HPS5: variants seen among roughly 807,000 people sequenced by gnomAD.
HPS5 encodes HPS5 biogenesis of lysosomal organelles complex 2 subunit 2, also known as BLOC-2 complex member HPS5.
HPS5 carries 83 observed loss-of-function variants against 128.0 expected under a neutral mutation model. The ratio of observed to expected loss-of-function variants is 0.65; its 90% CI spans 0.54 to 0.78. The LOEUF is 0.78. Ranked by LOEUF, HPS5 falls within the 30% of genes least tolerant of loss-of-function variation. The probability of loss-of-function intolerance (pLI) is 0.00; values close to 1 mark genes in which losing one functional copy is unlikely to be tolerated. For missense variants in HPS5, 1,281 were observed against 1,326.2 expected (o/e 0.97, Z 0.53); for synonymous variants, 475 against 470.2 (o/e 1.01, Z -0.13).
At chr11:18,296,342 C>G (rs1206480277) in intron 12 of HPS5, 2 of 572,918 alleles carry the variant, frequency 3.5e-6, no homozygotes, top group Non-Finnish European at 6.2e-6. Context: ...GCCTACTAAC[C>G]CTGAGTCCCC....
intron 8 of HPS5, 21 bp from the exon 9 acceptor site, chr11:18,300,937 A>T: frequency 7.2e-7 from 1 of 1,397,566 alleles, no homozygotes; most frequent in African/African-American, 1.4e-5. Context: ...AGAAGTGAAG[A>T]GAATTCAAGT....
chr11:18,301,112 G>T (rs529382625), intron 8 of HPS5, among the ~76,000 whole-genome samples, 196 bp from the exon 9 acceptor site: 1 of 152,226 alleles, frequency 6.6e-6, no homozygotes, highest in African/African-American at 2.4e-5. Flanking sequence ...AGCATAAAAT[G>T]ATGCCAAATT....
chr11:18,307,495 T>C (rs1862504195), intron 6 of HPS5, among the ~76,000 whole-genome samples: 1 of 152,074 alleles, frequency 6.6e-6, no homozygotes, highest in African/African-American at 2.4e-5. Context: ...TGGTACCTAA[T>C]ACAGTGCTAA....
chr11:18,298,723 A>G (rs1861367824), intron 10 of HPS5, 69 bp downstream of exon 10: 1 of 1,501,108 alleles, frequency 6.7e-7, no homozygotes, highest in African/African-American at 1.4e-5. Context: ...CAACTTTGTA[A>G]CACAATCTTG....
rs1858532309 is a variant in HPS5 at position 18,278,850 on chromosome 11, T to A, written c.*1032A>T. 1 of 152,612 alleles carries A rather than the reference T, an allele frequency of 6.6e-6. No homozygotes were observed. Among genetic ancestry groups the A allele is most frequent in the South Asian group, 2.1e-4 (1 of 4,828 alleles). The allele number at this position is 152,612 out of a possible 1,614,324, so 9.5% of individuals were successfully genotyped here. On this transcript the variant is annotated 3_prime_UTR_variant, in exon 23 of 23. Transcript: ENST00000349215. ...ACAAATGACAATCTACTTACATAAT[T>A]TAAATAACACAAGTGCTTGCTGCAG...
rs760989913 is a variant in HPS5, at chr11:18,296,144, AAAAG to A, written c.1511-26_1511-23del. 14 of 1,610,974 alleles carry A rather than the reference AAAAG, an allele frequency of 8.7e-6. No individual in the cohort carries two copies. The South Asian group carries it at 1.4e-4, about 16-fold the overall frequency. On this transcript the variant is annotated intron_variant, in intron 12 of 22. Coordinates refer to ENST00000349215, the MANE Select transcript of HPS5 (RefSeq NM_181507.2). The stretch of plus-strand genomic sequence containing the variant: ...TTGTCTAATGAATGGAATCAGGAAA[AAAAG>A]AAACAAAATCTAATCACGTGGGAGT...
At chr11:18,320,903 A>C (rs767371133) in intron 1 of HPS5, among the ~76,000 whole-genome samples, 1 of 152,198 alleles carries the variant, frequency 6.6e-6, no homozygotes, top group Non-Finnish European at 1.5e-5. Context: ...GTCAACTAAA[A>C]CCCAAAGAAA....
In HPS5 at chr11:18,287,934, C is replaced by T. The variant is rs1859944696; in HGVS notation, c.2520G>A (p.Glu840=). The stretch of plus-strand genomic sequence containing the variant: ...CCAACAACGGACTATCAAAAGGAAC[C>T]TCGTCATCTAGTAACTTTAACCTTG... The part of the protein sequence containing the change: ...LPTRLKLLDD[E]VPFDSPLLVV... Residue 840 remains glutamate (E), a synonymous_variant, in exon 17 of 23, where the codon GAG becomes GAA. Coordinates refer to ENST00000349215, the MANE Select transcript of HPS5 (RefSeq NM_181507.2). 2 of 1,614,050 alleles carry T rather than the reference C, an allele frequency of 1.2e-6. No homozygotes were observed. Among genetic ancestry groups the T allele is most frequent in the African/African-American group, 2.7e-5 (2 of 75,042 alleles).
chr11:18,299,184 A>G (rs1435925591), intron 9 of HPS5, among the ~76,000 whole-genome samples: 1 of 152,222 alleles, frequency 6.6e-6, no homozygotes. Flanking sequence ...AGAAAGAACT[A>G]TATCTCTCTG....
At chr11:18,282,434 T>G (rs537228780) in intron 21 of HPS5, among the ~76,000 whole-genome samples, 17 of 151,966 alleles carry the variant, frequency 1.1e-4, no homozygotes, top group Non-Finnish European at 2.4e-4. Context: ...TTTTTTTCTT[T>G]TTTTTTTTTA....
At chr11:18,317,076 C>T (rs1863712053) in intron 2 of HPS5, among the ~76,000 whole-genome samples, 1 of 151,912 alleles carries the variant, frequency 6.6e-6, no homozygotes. Flanking sequence ...CACATGTGGT[C>T]CCAGCTACTT....
rs149630242 is a variant in HPS5 at position 18,286,371 on chromosome 11, C to G, written c.2837+220G>C. Reference sequence around the variant, plus strand: ...ACCAGCCTGGGCCATAAGGCGAAATCTCATCTGTACAAAAAATTAGCCGGG... The same window carrying G: ...ACCAGCCTGGGCCATAAGGCGAAATGTCATCTGTACAAAAAATTAGCCGGG... On this transcript the variant is annotated intron_variant, in intron 19 of 22. Coordinates refer to ENST00000349215, the MANE Select transcript of HPS5 (RefSeq NM_181507.2). Among the ~76,000 whole-genome samples, 674 of 152,138 alleles carry G rather than the reference C, an allele frequency of 4.4e-3. 10 individuals carry two copies. Among genetic ancestry groups the G allele is most frequent in the African/African-American group, 0.015 (631 of 41,526 alleles).
At chr11:18,315,431 G>A (rs1175114244) in intron 2 of HPS5, among the ~76,000 whole-genome samples, 2 of 152,062 alleles carry the variant, frequency 1.3e-5, no homozygotes, top group Non-Finnish European at 2.9e-5. Context: ...TGGCCAACAT[G>A]GTGAAACTCT....
At chr11:18,293,020 AG>A in intron 14 of HPS5, 44 bp from the exon 15 acceptor site, 1 of 1,436,334 alleles carries the variant, frequency 7.0e-7, no homozygotes, top group Non-Finnish European at 9.5e-7. Context: ...CAAGAGTTAG[AG>A]GGGATCAGAG....
At chr11:18,290,000 G>A (rs1029267663) in intron 16 of HPS5, among the ~76,000 whole-genome samples, 1 of 152,172 alleles carries the variant, frequency 6.6e-6, no homozygotes, top group African/African-American at 2.4e-5. Flanking sequence ...TCCTGGACAG[G>A]TTACATTTCC....
intron 22 of HPS5, among the ~76,000 whole-genome samples, chr11:18,281,432 G>A (rs979952830): frequency 2.0e-5 from 3 of 149,568 alleles, no homozygotes; most frequent in Admixed American, 6.7e-5. Context: ...ATGGAGTCTC[G>A]CTCTGTCACC....
intron 10 of HPS5, among the ~76,000 whole-genome samples, chr11:18,298,090 A>C (rs1861290612): frequency 6.6e-6 from 1 of 151,682 alleles, no homozygotes. Context: ...CATCTCAAAA[A>C]AAAAAAAAAG....
chr11:18,305,932 C>T (rs904131241), intron 7 of HPS5, among the ~76,000 whole-genome samples: 1 of 152,232 alleles, frequency 6.6e-6, no homozygotes, highest in Non-Finnish European at 1.5e-5. Flanking sequence ...CGGGGTTTCA[C>T]CGCGTTAGTC....
chr11:18,285,143 A>G (rs1459186424), intron 20 of HPS5, among the ~76,000 whole-genome samples: 1 of 132,946 alleles, frequency 7.5e-6, no homozygotes, highest in African/African-American at 3.1e-5. Flanking sequence ...AAGGCTATTT[A>G]AAAAAAAAAA....
Sources: allele counts gnomAD v4.1 joint callset (sites outside exome capture counted in the v4.1 genomes callset), GRCh38; gene constraint gnomAD v4.1.1; transcripts MANE v1.5; gene names NCBI Gene and HGNC (gene_info 2026-07-23, HGNC 2026-07-21).